MBNL2: variants seen among roughly 807,000 people sequenced by gnomAD.
The protein encoded by MBNL2 is muscleblind-like protein 2.
A neutral mutation model predicts 41.9 loss-of-function variants in MBNL2; 17 were observed. The observed-to-expected ratio is 0.41, with a 90% CI of 0.28 to 0.61. The LOEUF (loss-of-function observed/expected upper bound fraction) is 0.61, where lower values mean the gene tolerates loss of function less well. Among genes scored for constraint, MBNL2 ranks in the 20% least tolerant of loss-of-function variants. MBNL2 has a pLI of 0.35. For synonymous variants in MBNL2, 195 were observed against 182.9 expected (o/e 1.07, Z -0.53); for missense variants, 336 against 505.6 (o/e 0.66, Z 3.22).
the MBNL2 span, among the ~76,000 whole-genome samples, chr13:97,171,135 C>G: frequency 2.0e-5 from 3 of 152,320 alleles, no homozygotes; most frequent in East Asian, 5.8e-4. Flanking sequence ...CACTTCAACC[C>G]TAGCTCTTTC....
the MBNL2 span, among the ~76,000 whole-genome samples, chr13:97,166,232 T>C: frequency 4.6e-5 from 7 of 152,370 alleles, no homozygotes; most frequent in African/African-American, 1.7e-4. Flanking sequence ...CTGAATTAAA[T>C]AATGAGGTAG....
chr13:97,187,887 C>T, the MBNL2 span, among the ~76,000 whole-genome samples: 5 of 143,882 alleles, frequency 3.5e-5, no homozygotes, highest in African/African-American at 7.6e-5. Context: ...CCAGCCTGGG[C>T]GACAGTGAGA....
At chr13:97,310,529 A>C (rs984192558) in intron 2 of MBNL2, among the ~76,000 whole-genome samples, 6 of 150,996 alleles carry the variant, frequency 4.0e-5, no homozygotes, top group Non-Finnish European at 5.9e-5. Context: ...TCCCAGGTTC[A>C]CGCCATTCTC....
chr13:97,145,046 G>T, the MBNL2 span, among the ~76,000 whole-genome samples: 1 of 152,200 alleles, frequency 6.6e-6, no homozygotes, highest in Non-Finnish European at 1.5e-5. Flanking sequence ...AAATATGTGG[G>T]AAGTGATGCA....
the MBNL2 span, among the ~76,000 whole-genome samples, chr13:97,161,765 C>T: frequency 6.6e-6 from 1 of 152,156 alleles, no homozygotes; most frequent in Admixed American, 6.5e-5. Flanking sequence ...TGAGTGCTTG[C>T]CATGTCTTCA....
the MBNL2 span, among the ~76,000 whole-genome samples, chr13:97,189,137 C>T: frequency 6.6e-6 from 1 of 152,056 alleles, no homozygotes; most frequent in Non-Finnish European, 1.5e-5. Context: ...CAAGCGACCC[C>T]CTAACCTCAG....
intron 1 of MBNL2, among the ~76,000 whole-genome samples, chr13:97,261,556 A>G (rs2152879345): frequency 6.6e-6 from 1 of 152,180 alleles, no homozygotes; most frequent in Admixed American, 6.5e-5. Flanking sequence ...AGACAGCATA[A>G]CCATTCATCT....
chr13:97,360,047 T>C (rs2063281941), intron 7 of MBNL2, among the ~76,000 whole-genome samples: 1 of 152,212 alleles, frequency 6.6e-6, no homozygotes, highest in Non-Finnish European at 1.5e-5. Context: ...TTGTTCATCA[T>C]TGTTGGTTTG....
the MBNL2 span, among the ~76,000 whole-genome samples, chr13:97,169,709 T>A: frequency 6.6e-6 from 1 of 152,238 alleles, no homozygotes; most frequent in Non-Finnish European, 1.5e-5. Context: ...TATACACTAC[T>A]CTTGCAGCCT....
the MBNL2 span, among the ~76,000 whole-genome samples, chr13:97,204,807 G>A: frequency 8.6e-5 from 13 of 152,006 alleles, no homozygotes; most frequent in Admixed American, 1.3e-4. Context: ...GGCCAGGTGC[G>A]GTGGCTCAGG....
the MBNL2 span, among the ~76,000 whole-genome samples, chr13:97,195,826 C>T: frequency 1.3e-4 from 20 of 152,196 alleles, no homozygotes; most frequent in South Asian, 1.5e-3. Flanking sequence ...ATTTTAATTA[C>T]GAGAGCCTCA....
At chr13:97,165,538 GTT>G in the MBNL2 span, among the ~76,000 whole-genome samples, 9 of 152,118 alleles carry the variant, frequency 5.9e-5, no homozygotes, top group Non-Finnish European at 1.0e-4. Context: ...GAGGTTTAGG[GTT>G]TACATAGCTT....
At chr13:97,155,231 T>C in the MBNL2 span, among the ~76,000 whole-genome samples, 1 of 152,156 alleles carries the variant, frequency 6.6e-6, no homozygotes, top group African/African-American at 2.4e-5. Flanking sequence ...TCTCTCATTC[T>C]AAGTTGTTCT....
intron 1 of MBNL2, among the ~76,000 whole-genome samples, chr13:97,252,648 T>G (rs567745311): frequency 8.5e-4 from 130 of 152,282 alleles, no homozygotes; most frequent in Non-Finnish European, 1.6e-3. Flanking sequence ...GAAATATTTT[T>G]CTATTATATA....
At chr13:97,203,873 AATGGATGGATGGATGGATGG>A in the MBNL2 span, among the ~76,000 whole-genome samples, 6 of 149,470 alleles carry the variant, frequency 4.0e-5, no homozygotes, top group Non-Finnish European at 3.0e-5. Context: ...ATGATAAGTG[AATGGATGGATGGATGGATGG>A]ATGGATGGAT....
chr13:97,249,950 T>G (rs1053237188), intron 1 of MBNL2, among the ~76,000 whole-genome samples: 1 of 152,212 alleles, frequency 6.6e-6, no homozygotes, highest in East Asian at 1.9e-4. Context: ...AATCTTCCTT[T>G]GTCTTTGTGA....
chr13:97,211,361 C>T, the MBNL2 span, among the ~76,000 whole-genome samples: 1 of 152,120 alleles, frequency 6.6e-6, no homozygotes, highest in African/African-American at 2.4e-5. Context: ...GTGTGTGGGC[C>T]TGAGCTTGAG....
At chr13:97,226,103 C>T (rs1289518727) in intron 1 of MBNL2, among the ~76,000 whole-genome samples, 1 of 152,002 alleles carries the variant, frequency 6.6e-6, no homozygotes, top group Non-Finnish European at 1.5e-5. Flanking sequence ...AAAGGTGCTG[C>T]GTGGCTGGGT....
chr13:97,174,642 G>T, the MBNL2 span, among the ~76,000 whole-genome samples: 1 of 152,134 alleles, frequency 6.6e-6, no homozygotes, highest in Non-Finnish European at 1.5e-5. Flanking sequence ...ATTTTGGAAG[G>T]CAGGCTCACA....
Sources: gnomAD v4.1 joint callset for allele counts (sites outside exome capture counted in the v4.1 genomes callset) on GRCh38, gnomAD v4.1.1 for gene constraint, MANE v1.5 for transcripts, NCBI Gene and HGNC (gene_info 2026-07-23, HGNC 2026-07-21) for gene names.